TSHR: variants seen among roughly 807,000 people sequenced by gnomAD.
The protein encoded by TSHR is thyroid stimulating hormone receptor.
Under a neutral mutation model 64.1 loss-of-function variants are expected in TSHR, and 51 were observed. The observed-to-expected ratio is 0.80, with a 90% CI of 0.64 to 1.01. The LOEUF (loss-of-function observed/expected upper bound fraction) is 1.01, where lower values mean the gene tolerates loss of function less well. Ranked by LOEUF, TSHR falls within the 50% of genes least tolerant of loss-of-function variation. The pLI is 0.00. For synonymous variants in TSHR, 361 were observed against 361.9 expected (o/e 1.00, Z 0.03); for missense variants, 877 against 942.8 (o/e 0.93, Z 0.91).
At chr14:81,028,501 G>A (rs968449142) in intron 1 of TSHR, among the ~76,000 whole-genome samples, 2 of 151,946 alleles carry the variant, frequency 1.3e-5, no homozygotes, top group Admixed American at 1.3e-4. Flanking sequence ...ATTGAGTTGG[G>A]ATCCCAAAGG....
chr14:80,992,414 A>AT (rs1566752692), intron 1 of TSHR: 2 of 151,508 alleles, frequency 1.3e-5, no homozygotes, highest in Admixed American at 6.6e-5. Context: ...AAAAAAAAAA[A>AT]AAATAAGCTA....
rs1254953080 is a variant in TSHR, at chr14:80,978,122, C to CACACACACAT, written c.170+22273_170+22282dup. On this transcript the variant is annotated intron_variant, in intron 1 of 9. Coordinates refer to ENST00000298171, the MANE Select transcript of TSHR (RefSeq NM_000369.5). ...ACACACACACACACACACACACACA[C>CACACACACAT]ACACACACATGCATGTGCACTTTTC... Among the ~76,000 whole-genome samples the CACACACACAT allele has an allele frequency of 2.3e-3, 342 of 151,838 alleles. 1 individual carries two copies. The highest frequency in any genetic ancestry group is 7.9e-3 in the African/African-American group (328 of 41,432).
At chr14:81,047,168 A>C (rs976509253) in intron 1 of TSHR, among the ~76,000 whole-genome samples, 7 of 152,224 alleles carry the variant, frequency 4.6e-5, no homozygotes, top group African/African-American at 1.7e-4. Context: ...AAATCAATGT[A>C]TAATAATTGA....
chr14:81,030,010 T>A (rs186963454), intron 1 of TSHR, among the ~76,000 whole-genome samples: 4 of 152,332 alleles, frequency 2.6e-5, no homozygotes, highest in Non-Finnish European at 5.9e-5. Context: ...AGGCCTCTTT[T>A]GCCGTAACTA....
At chr14:81,081,307 A>G (rs1296255104) in intron 3 of TSHR, among the ~76,000 whole-genome samples, 1 of 152,186 alleles carries the variant, frequency 6.6e-6, no homozygotes, top group Non-Finnish European at 1.5e-5. Flanking sequence ...AGAACAAAAT[A>G]GTTTTTCTCT....
chr14:81,109,353 G>A (rs1476563361), intron 8 of TSHR, among the ~76,000 whole-genome samples: 3 of 151,982 alleles, frequency 2.0e-5, no homozygotes, highest in South Asian at 2.1e-4. Flanking sequence ...AGCTTGCAGC[G>A]AGCCCAGATC....
chr14:80,991,313 T>TA (rs1015148531), intron 1 of TSHR, among the ~76,000 whole-genome samples: 7 of 151,862 alleles, frequency 4.6e-5, no homozygotes, highest in East Asian at 1.9e-4. Context: ...TTTACCTACT[T>TA]AAAAAAAAGC....
chr14:81,103,164 G>A lies in TSHR; in HGVS notation c.615-5211G>A. ...TTGAGCTATAGGTGAAGGAAAGAAAGGTCAAGGTTCCATGGTAATAATAAA... is the reference window on the plus strand; with the variant it reads ...TTGAGCTATAGGTGAAGGAAAGAAAAGTCAAGGTTCCATGGTAATAATAAA... On this transcript the variant is annotated intron_variant, in intron 7 of 9. Coordinates refer to ENST00000298171, the MANE Select transcript of TSHR (RefSeq NM_000369.5). This position sits in a 1 kb window ranked among gnomAD's most constrained non-coding sequence, Gnocchi z 4.1. 2 of 985,412 alleles carry A rather than the reference G, an allele frequency of 2.0e-6. No homozygotes were observed. The highest frequency in any genetic ancestry group is 2.4e-6 in the Non-Finnish European group (2 of 829,930). The allele number at this position is 985,412 out of a possible 1,614,324, so 61.0% of individuals were successfully genotyped here.
Position 81,139,837 on chromosome 14 carries a change from G to T in TSHR, c.851G>T (p.Cys284Phe), listed in dbSNP as rs1891610102. 1 of 1,614,200 alleles carries T rather than the reference G, an allele frequency of 6.2e-7. No homozygotes were observed. Among genetic ancestry groups the T allele is most frequent in the Non-Finnish European group, 8.5e-7 (1 of 1,180,042 alleles). Residue 284 changes from cysteine to phenylalanine, a missense_variant, in exon 9 of 10, where the codon TGT becomes TTT. By Grantham distance (205) the Cys-to-Phe change is radical. Transcript: ENST00000298171. ...RADLSYPSHC[C>F]AFKNQKKIRG... ...GACCTTTCTTACCCAAGCCACTGCT[G>T]TGCTTTTAAGAATCAGAAGAAAATC...
rs1388759242 is a variant in TSHR at position 81,091,144 on chromosome 14, G to GT, written c.467+2dup. On this transcript the variant is annotated splice_donor_variant, in intron 5 of 9. Coordinates refer to ENST00000298171, the MANE Select transcript of TSHR (RefSeq NM_000369.5). LOFTEE classifies it high-confidence loss of function. ...ATTCCACTGATATATTCTTTATACT[G>GT]TAAGTATGCACACATGCCATGTTTG... 1.2e-6 allele frequency: 2 copies of GT among 1,608,982 alleles called. No homozygotes were observed. The highest frequency in any genetic ancestry group is 2.7e-5 in the African/African-American group (2 of 74,712).
chr14:81,084,134 C>T (rs1415852961), intron 3 of TSHR, among the ~76,000 whole-genome samples: 1 of 152,164 alleles, frequency 6.6e-6, no homozygotes, highest in Non-Finnish European at 1.5e-5. Context: ...TGGGTGGGGA[C>T]ACAGAGCCAG....
intron 1 of TSHR, chr14:80,995,278 C>G (rs1888950423): frequency 6.6e-6 from 1 of 152,130 alleles, no homozygotes; most frequent in Non-Finnish European, 1.5e-5. Context: ...CGTGGTGATT[C>G]CTCAAAGACC....
intron 1 of TSHR, chr14:80,982,410 A>C: frequency 8.0e-7 from 1 of 1,243,756 alleles, no homozygotes; most frequent in Non-Finnish European, 1.1e-6. Context: ...ATAAACCTGA[A>C]ATTGGTGCCC....
intron 1 of TSHR, among the ~76,000 whole-genome samples, chr14:80,987,976 A>G (rs1029956779): frequency 5.3e-5 from 8 of 152,192 alleles, no homozygotes; most frequent in African/African-American, 1.9e-4. Context: ...TTGACAACAG[A>G]TTAAAATTGC....
Position 81,105,137 on chromosome 14 carries a change from T to G in TSHR, c.615-3238T>G, listed in dbSNP as rs1249082276. 6.1e-6 allele frequency: 6 copies of G among 985,296 alleles called. No homozygotes were observed. In the African/African-American group the frequency reaches 1.0e-4, roughly 17 times the overall value. The allele number at this position is 985,296 out of a possible 1,614,324, so 61.0% of individuals were successfully genotyped here. The stretch of plus-strand genomic sequence containing the variant: ...TCTAGAGTAGGTTAACCAGATAGCC[T>G]ACCAAGATTTGTGACTGATTTATCC... On this transcript the variant is annotated intron_variant, in intron 7 of 9. Transcript: ENST00000298171.
At chr14:81,074,561 G>A (rs1457089943) in intron 3 of TSHR, among the ~76,000 whole-genome samples, 4 of 152,124 alleles carry the variant, frequency 2.6e-5, no homozygotes, top group African/African-American at 4.8e-5. Context: ...TCAACCAAAC[G>A]TTCCTGGGAT....
At chr14:80,969,167 T>C (rs1887466025) in intron 1 of TSHR, among the ~76,000 whole-genome samples, 1 of 152,172 alleles carries the variant, frequency 6.6e-6, no homozygotes, top group Non-Finnish European at 1.5e-5. Flanking sequence ...CAGGGCTTTG[T>C]CCCCAAGATG....
chr14:81,023,894 T>A (rs574957686), intron 1 of TSHR, among the ~76,000 whole-genome samples: 8 of 152,338 alleles, frequency 5.3e-5, no homozygotes, highest in African/African-American at 1.9e-4. Context: ...ATGTCCTTCA[T>A]GGCATTTTTT....
chr14:80,988,694 C>T (rs577985540), intron 1 of TSHR, among the ~76,000 whole-genome samples: 1 of 152,292 alleles, frequency 6.6e-6, no homozygotes, highest in East Asian at 1.9e-4. Flanking sequence ...TGCATTTGGT[C>T]CACTAAGCTT....
Sources: gnomAD v4.1 joint callset for allele counts (sites outside exome capture counted in the v4.1 genomes callset) on GRCh38, gnomAD v4.1.1 for gene constraint, Gnocchi (gnomAD v3.1) non-coding constraint, MANE v1.5 for transcripts, NCBI Gene and HGNC (gene_info 2026-07-23, HGNC 2026-07-21) for gene names.